The following KIF20B variants were observed in gnomAD, a reference collection of about 807,000 sequenced individuals.
KIF20B encodes the protein kinesin family member 20B, also known as kinesin-like protein KIF20B.
A neutral mutation model predicts 232.5 loss-of-function variants in KIF20B; 188 were observed. The ratio of observed to expected loss-of-function variants is 0.81; its 90% CI spans 0.72 to 0.91. KIF20B has a LOEUF of 0.91. Ranked by LOEUF, KIF20B falls within the 40% of genes least tolerant of loss-of-function variation. The pLI, the probability that KIF20B is intolerant of heterozygous loss-of-function variation, is 0.00. For synonymous variants in KIF20B, 712 were observed against 683.0 expected (o/e 1.04, Z -0.66); for missense variants, 2,154 against 2,055.9 (o/e 1.05, Z -0.92).
intron 32 of KIF20B, among the ~76,000 whole-genome samples, chr10:89,773,487 A>G (rs1442293556): frequency 6.6e-6 from 1 of 152,078 alleles, no homozygotes; most frequent in Non-Finnish European, 1.5e-5. Flanking sequence ...TGCAAGATGT[A>G]AAGAGTTAGG....
At chr10:89,725,511 C>G (rs1351162419) in intron 15 of KIF20B, among the ~76,000 whole-genome samples, 1 of 152,084 alleles carries the variant, frequency 6.6e-6, no homozygotes, top group Non-Finnish European at 1.5e-5. Context: ...CATTTACTTG[C>G]TGTTCTGATT....
intron 6 of KIF20B, among the ~76,000 whole-genome samples, chr10:89,713,398 AAAACATGATAC>A (rs1842872878): frequency 1.3e-5 from 2 of 151,078 alleles, no homozygotes; most frequent in Admixed American, 1.3e-4. Context: ...TTATCCAGTT[AAAACATGATAC>A]TGTTTTGCCT....
Position 89,760,606 on chromosome 10 carries a change from A to G in KIF20B, c.4761A>G (p.Thr1587=), listed in dbSNP as rs1160984199. 6.2e-7 allele frequency: 1 copy of G among 1,610,758 alleles called. No homozygotes were observed. Among genetic ancestry groups the G allele is most frequent in the East Asian group, 2.2e-5 (1 of 44,804 alleles). ...AACTTCAAACTGAACCTCTATCGAC[A>G]AGTTTTGAAATTTCCAGAAATAAAA... ...PDKLQTEPLS[T]SFEISRNKIE... is the part of the protein sequence containing the mutation. The change falls in exon 28 of 33, where the codon ACA becomes ACG. Residue 1587 remains threonine, a synonymous_variant. Transcript: ENST00000371728.
At chr10:89,701,965 C>A (rs992490603) in intron 1 of KIF20B, among the ~76,000 whole-genome samples, 1 of 152,186 alleles carries the variant, frequency 6.6e-6, no homozygotes, top group African/African-American at 2.4e-5. Context: ...CCTTAGTTTT[C>A]TTATCAGTTA....
At chr10:89,718,903 A>G in intron 12 of KIF20B, 31 bp downstream of exon 12, 2 of 1,290,602 alleles carry the variant, frequency 1.5e-6, no homozygotes, top group Non-Finnish European at 1.1e-6. Flanking sequence ...GCCTCTTATT[A>G]TTAGAATATT....
At chr10:89,767,933 C>T (rs936950960) in intron 29 of KIF20B, among the ~76,000 whole-genome samples, 4 of 151,962 alleles carry the variant, frequency 2.6e-5, no homozygotes, top group Admixed American at 6.6e-5. Flanking sequence ...AATTTCATTA[C>T]TTGTGATATG....
At chr10:89,708,347 G>A (rs1169618601) in intron 2 of KIF20B, among the ~76,000 whole-genome samples, 2 of 152,072 alleles carry the variant, frequency 1.3e-5, no homozygotes, top group Non-Finnish European at 2.9e-5. Flanking sequence ...AAGTAGCTGG[G>A]ATTACAGGCA....
At chr10:89,741,595 CACTGTTTTTA>C (rs1841796551) in intron 21 of KIF20B, among the ~76,000 whole-genome samples, 1 of 152,174 alleles carries the variant, frequency 6.6e-6, no homozygotes, top group Non-Finnish European at 1.5e-5. Context: ...CGGGTATAGA[CACTGTTTTTA>C]ACTTCCATTT....
intron 31 of KIF20B, among the ~76,000 whole-genome samples, chr10:89,772,116 A>G (rs775201311): frequency 1.3e-5 from 2 of 151,980 alleles, no homozygotes; most frequent in Non-Finnish European, 2.9e-5. Context: ...ACATGGAAAT[A>G]TGTTTTCTAT....
chr10:89,764,259 G>T (rs546886243), intron 29 of KIF20B, among the ~76,000 whole-genome samples: 2 of 151,964 alleles, frequency 1.3e-5, no homozygotes, highest in African/African-American at 4.8e-5. Flanking sequence ...GTATTCCATG[G>T]TGTATATGTG....
chr10:89,761,694 A>G (rs1842245087), intron 28 of KIF20B, among the ~76,000 whole-genome samples: 1 of 152,182 alleles, frequency 6.6e-6, no homozygotes, highest in South Asian at 2.1e-4. Flanking sequence ...AGTAGTTTCA[A>G]ATAATTAGCA....
intron 6 of KIF20B, among the ~76,000 whole-genome samples, chr10:89,712,023 A>T (rs925403499): frequency 4.0e-5 from 6 of 151,726 alleles, no homozygotes; most frequent in African/African-American, 1.5e-4. Flanking sequence ...CCTACTTTAT[A>T]TTTTTTTAAT....
chr10:89,707,536 C>G (rs574091473), intron 2 of KIF20B, among the ~76,000 whole-genome samples: 1 of 147,200 alleles, frequency 6.8e-6, no homozygotes, highest in East Asian at 2.0e-4. Flanking sequence ...TTCCCCTCCT[C>G]TCCCCTCCAC....
intron 14 of KIF20B, 75 bp from the exon 15 acceptor site, chr10:89,724,939 TACTTAA>T (rs1226876394): frequency 2.9e-5 from 39 of 1,357,066 alleles, no homozygotes; most frequent in Non-Finnish European, 3.8e-5. Context: ...ATCTAGAATA[TACTTAA>T]ACTTAGATGT....
chr10:89,735,660 C>T (rs1841635828), intron 19 of KIF20B, among the ~76,000 whole-genome samples: 1 of 151,292 alleles, frequency 6.6e-6, no homozygotes, highest in Admixed American at 6.6e-5. Context: ...GGCTCAGCCT[C>T]CCGACTAGCT....
chr10:89,739,133 TAA>T (rs1246138811), intron 21 of KIF20B, 37 bp downstream of exon 21: 1 of 1,596,674 alleles, frequency 6.3e-7, no homozygotes, highest in African/African-American at 1.4e-5. Flanking sequence ...CAGTTTATGA[TAA>T]AGATTGTTTT....
chr10:89,763,297 A>G (rs1276751337), intron 29 of KIF20B, among the ~76,000 whole-genome samples: 1 of 152,120 alleles, frequency 6.6e-6, no homozygotes, highest in Non-Finnish European at 1.5e-5. Context: ...AAAGAATATT[A>G]CTGTGGTTTA....
intron 21 of KIF20B, among the ~76,000 whole-genome samples, chr10:89,742,075 G>A (rs1240750934): frequency 1.3e-5 from 2 of 152,138 alleles, no homozygotes; most frequent in African/African-American, 4.8e-5. Flanking sequence ...ATTGTAATCT[G>A]AGGTTGCTAA....
chr10:89,744,018 C>G, intron 22 of KIF20B, 91 bp downstream of exon 22: 10 of 995,830 alleles, frequency 1.0e-5, no homozygotes, highest in Non-Finnish European at 1.4e-5. Context: ...TTAATAACAT[C>G]CTGTTTTGAC....
Sources: allele counts gnomAD v4.1 joint callset (sites outside exome capture counted in the v4.1 genomes callset), GRCh38; gene constraint gnomAD v4.1.1; transcripts MANE v1.5; gene names NCBI Gene and HGNC (gene_info 2026-07-23, HGNC 2026-07-21).